The following PLCB4 variants were observed in gnomAD, a reference collection of about 807,000 sequenced individuals.
The protein encoded by PLCB4 is 1-phosphatidylinositol 4,5-bisphosphate phosphodiesterase beta-4.
PLCB4 carries 77 observed loss-of-function variants against 178.8 expected under a neutral mutation model. The ratio of observed to expected loss-of-function variants is 0.43; its 90% CI spans 0.36 to 0.52. The LOEUF is 0.52. PLCB4 is among the 20% of genes least tolerant of loss of function. PLCB4 has a pLI of 0.00. For synonymous variants in PLCB4, 496 were observed against 490.8 expected (o/e 1.01, Z -0.14); for missense variants, 1,024 against 1,453.4 (o/e 0.70, Z 4.80).
intron 7 of PLCB4, among the ~76,000 whole-genome samples, chr20:9,354,763 G>A (rs1466619697): frequency 6.6e-6 from 1 of 152,222 alleles, no homozygotes; most frequent in African/African-American, 2.4e-5. Context: ...CCAAATGCCT[G>A]CCTGGTATCT....
intron 3 of PLCB4, among the ~76,000 whole-genome samples, chr20:9,261,871 G>A (rs1730319466): frequency 1.3e-5 from 2 of 152,088 alleles, no homozygotes; most frequent in Admixed American, 6.6e-5. Flanking sequence ...AAAATGACAT[G>A]GAGCTATATA....
At chr20:9,312,226 CG>C (rs2147899592) in intron 4 of PLCB4, among the ~76,000 whole-genome samples, 1 of 152,116 alleles carries the variant, frequency 6.6e-6, no homozygotes, top group Non-Finnish European at 1.5e-5. Flanking sequence ...AATCCCAGCT[CG>C]GGCTACCCCT....
intron 3 of PLCB4, among the ~76,000 whole-genome samples, chr20:9,237,823 A>G (rs1370673441): frequency 6.6e-6 from 1 of 152,188 alleles, no homozygotes; most frequent in Non-Finnish European, 1.5e-5. Context: ...TGAATCCCCT[A>G]AAGGGAGTTA....
chr20:9,366,604 C>T (rs962243494), intron 9 of PLCB4, among the ~76,000 whole-genome samples: 1 of 152,134 alleles, frequency 6.6e-6, no homozygotes, highest in African/African-American at 2.4e-5. Flanking sequence ...GAAACTCTTT[C>T]CACAGTAGTG....
intron 2 of PLCB4, among the ~76,000 whole-genome samples, chr20:9,148,039 AAGAG>A (rs2035020466): frequency 6.6e-6 from 1 of 152,182 alleles, no homozygotes. Flanking sequence ...CATGTCAAGG[AAGAG>A]AGAGTTCATC....
intron 33 of PLCB4, among the ~76,000 whole-genome samples, chr20:9,455,027 T>C (rs2042974416): frequency 1.3e-5 from 2 of 152,188 alleles, no homozygotes; most frequent in Non-Finnish European, 2.9e-5. Context: ...ATATTGGTAG[T>C]GATTACAGTA....
At chr20:9,279,509 G>T (rs2094476355) in intron 3 of PLCB4, among the ~76,000 whole-genome samples, 1 of 151,948 alleles carries the variant, frequency 6.6e-6, no homozygotes, top group Admixed American at 6.6e-5. Context: ...AGGAATAGAA[G>T]ATTCATTTTA....
intron 3 of PLCB4, among the ~76,000 whole-genome samples, chr20:9,226,724 C>A (rs933554431): frequency 2.6e-5 from 4 of 152,040 alleles, no homozygotes; most frequent in Admixed American, 6.6e-5. Context: ...CTTATTCCTC[C>A]TCTTCTGTGG....
chr20:9,229,214 T>C (rs968340596), intron 3 of PLCB4, among the ~76,000 whole-genome samples: 1 of 152,200 alleles, frequency 6.6e-6, no homozygotes, highest in Non-Finnish European at 1.5e-5. Context: ...TCCTGTCTGA[T>C]TCATCCACTG....
chr20:9,215,707 C>T (rs1439872346), intron 2 of PLCB4, among the ~76,000 whole-genome samples: 1 of 152,082 alleles, frequency 6.6e-6, no homozygotes, highest in East Asian at 1.9e-4. Context: ...AAATCAAAGA[C>T]CTTACCCTTT....
At chr20:9,407,530 C>T (rs903288423) in intron 21 of PLCB4, among the ~76,000 whole-genome samples, 1 of 152,118 alleles carries the variant, frequency 6.6e-6, no homozygotes, top group African/African-American at 2.4e-5. Context: ...CCACCACACC[C>T]AGCTAATTTT....
At chr20:9,276,160 G>T (rs1362155178) in intron 3 of PLCB4, among the ~76,000 whole-genome samples, 4 of 152,062 alleles carry the variant, frequency 2.6e-5, no homozygotes, top group African/African-American at 4.8e-5. Context: ...ACAATACTGG[G>T]CAGGTGAAGG....
At chr20:9,156,250 A>G (rs1366044870) in intron 2 of PLCB4, among the ~76,000 whole-genome samples, 1 of 152,166 alleles carries the variant, frequency 6.6e-6, no homozygotes, top group African/African-American at 2.4e-5. Flanking sequence ...AAAATGGGCA[A>G]TACCTCTCTC....
In PLCB4 at chr20:9,307,658, G is replaced by A. The variant is rs1387348817; in HGVS notation, c.-15-142G>A. Reference sequence around the variant, plus strand: ...TTTAGAGAAAAGAAAGCAAGTTGGGGGTCAGACAAAGGGAAGAAGAAAAAA... The same window carrying A: ...TTTAGAGAAAAGAAAGCAAGTTGGGAGTCAGACAAAGGGAAGAAGAAAAAA... On this transcript the variant is annotated intron_variant, in intron 3 of 39. Coordinates refer to ENST00000378473, the MANE Select transcript of PLCB4 (RefSeq NM_001377142.1). 10 of 513,086 alleles carry A rather than the reference G, an allele frequency of 1.9e-5. No individual in the cohort carries two copies. The East Asian group carries it at 3.2e-4, about 16-fold the overall frequency. 31.8% of individuals were successfully genotyped at this position (513,086 alleles called of 1,614,324 possible).
chr20:9,125,920 G>A (rs1184396575), intron 2 of PLCB4, among the ~76,000 whole-genome samples: 1 of 152,102 alleles, frequency 6.6e-6, no homozygotes, highest in Non-Finnish European at 1.5e-5. Flanking sequence ...TTTGTTGGGG[G>A]AGACAGGCAT....
At chr20:9,106,426 C>CATAT (rs1174508976) in intron 2 of PLCB4, among the ~76,000 whole-genome samples, 18 of 151,530 alleles carry the variant, frequency 1.2e-4, no homozygotes, top group African/African-American at 4.1e-4. Context: ...ACTGAAGGGC[C>CATAT]ATATTTTCCC....
At chr20:9,184,842 T>C (rs1464161139) in intron 2 of PLCB4, among the ~76,000 whole-genome samples, 1 of 152,242 alleles carries the variant, frequency 6.6e-6, no homozygotes, top group African/African-American at 2.4e-5. Context: ...TCTAGTTTTT[T>C]TGTTGGGACA....
chr20:9,441,665 A>G (rs1212025041), intron 30 of PLCB4, among the ~76,000 whole-genome samples: 1 of 152,084 alleles, frequency 6.6e-6, no homozygotes, highest in Admixed American at 6.6e-5. Flanking sequence ...GGGATGAGGG[A>G]GCTGGGGAAT....
intron 2 of PLCB4, among the ~76,000 whole-genome samples, chr20:9,188,650 T>C (rs57102845): frequency 3.6e-5 from 5 of 137,210 alleles, no homozygotes; most frequent in Non-Finnish European, 7.8e-5. Context: ...TAACTGTTCA[T>C]TGTGGAGGGC....
Sources: allele counts gnomAD v4.1 joint callset (sites outside exome capture counted in the v4.1 genomes callset), GRCh38; gene constraint gnomAD v4.1.1; transcripts MANE v1.5; gene names NCBI Gene and HGNC (gene_info 2026-07-23, HGNC 2026-07-21).